The following UBQLN4 variants were observed in gnomAD, a reference collection of about 807,000 sequenced individuals.
UBQLN4 encodes the protein ubiquilin-4.
Under a neutral mutation model 60.4 loss-of-function variants are expected in UBQLN4, and 11 were observed. The ratio of observed to expected loss-of-function variants is 0.18; its 90% CI spans 0.11 to 0.30. The LOEUF (loss-of-function observed/expected upper bound fraction) is 0.30. Ranked by LOEUF, UBQLN4 falls within the 10% of genes least tolerant of loss-of-function variation. UBQLN4 has a pLI of 1.00. For missense variants in UBQLN4, 417 were observed against 795.5 expected, an observed-to-expected ratio of 0.52 and a Z score of 5.72; for synonymous variants, 258 against 313.1, an observed-to-expected ratio of 0.82 and a Z score of 1.86.
chr1:156,041,251 A>G (rs1683554842), intron 10 of UBQLN4, among the ~76,000 whole-genome samples: 1 of 152,200 alleles, frequency 6.6e-6, no homozygotes, highest in East Asian at 1.9e-4. Flanking sequence ...TCCAAAATCT[A>G]AAGCATTTAG....
At chr1:156,053,017 CAG>C (rs1683916963) in intron 1 of UBQLN4, among the ~76,000 whole-genome samples, 1 of 152,174 alleles carries the variant, frequency 6.6e-6, no homozygotes. Context: ...GGAGCGGCCA[CAG>C]GGGGTGGCGA....
At chr1:156,032,997 A>G (rs1683321855), downstream of UBQLN4, among the ~76,000 whole-genome samples, 1 of 152,240 alleles carries the variant, frequency 6.6e-6, no homozygotes. Context: ...CACCTAGGAC[A>G]GGACAGAGGC....
In UBQLN4 at chr1:156,050,998, G is replaced by A; in HGVS notation, c.478+112C>T. The A allele has an allele frequency of 1.9e-6, 2 of 1,062,002 alleles. No individual in the cohort carries two copies. Among genetic ancestry groups the A allele is most frequent in the Non-Finnish European group, 2.8e-6 (2 of 718,646 alleles). 65.8% of individuals were successfully genotyped at this position (1,062,002 alleles called of 1,614,324 possible). A position where few individuals can be genotyped will look rare whatever the true frequency, so the allele number is the denominator to read the frequency against. On this transcript the variant is annotated intron_variant, in intron 3 of 10. Transcript: ENST00000368309. This position sits in a 1 kb window ranked among gnomAD's most constrained non-coding sequence, Gnocchi z 4.6. Reference sequence around the variant, plus strand: ...ATCAATGTCTGGAACTCTGTCATGGGGTCCCCTATCCCCATCAGACCAGGA... The same window carrying A: ...ATCAATGTCTGGAACTCTGTCATGGAGTCCCCTATCCCCATCAGACCAGGA...
intron 10 of UBQLN4, among the ~76,000 whole-genome samples, chr1:156,037,810 T>C (rs767778977): frequency 1.3e-5 from 2 of 152,178 alleles, no homozygotes; most frequent in Non-Finnish European, 2.9e-5. Flanking sequence ...AGGCCCCTCC[T>C]AATAGTCATC....
chr1:156,036,135 T>C lies in UBQLN4; in HGVS notation c.*843A>G. On this transcript the variant is annotated 3_prime_UTR_variant, in exon 11 of 11. Coordinates refer to ENST00000368309, the MANE Select transcript of UBQLN4 (RefSeq NM_020131.5). ...ATTGGGCTCCTTTTTTCAGTTTAAATTCCATTAGCATCTCTAAGTCTCTTC... is the reference window on the plus strand; with the variant it reads ...ATTGGGCTCCTTTTTTCAGTTTAAACTCCATTAGCATCTCTAAGTCTCTTC... 1 of 985,584 alleles carries C rather than the reference T, an allele frequency of 1.0e-6. No homozygotes were observed. The highest frequency in any genetic ancestry group is 1.2e-6 in the Non-Finnish European group (1 of 829,952). 61.1% of individuals were successfully genotyped at this position (985,584 alleles called of 1,614,324 possible). A position where few individuals can be genotyped will look rare whatever the true frequency, so the allele number is the denominator to read the frequency against.
intron 10 of UBQLN4, among the ~76,000 whole-genome samples, chr1:156,038,812 C>CTTT (rs536553162): frequency 1.5e-4 from 20 of 133,110 alleles, no homozygotes; most frequent in Admixed American, 8.6e-4. Context: ...AGGTCTTCTT[C>CTTT]TTTTTTTTTT....
chr1:156,051,342 A>C lies in UBQLN4; in HGVS notation c.261-15T>G, dbSNP rs1336071920. ...GATCTTGAGCCCTGAGGACAGAGAA[A>C]GGAGAATCCTGTTGGAGTGAGCACT... On this transcript the variant is annotated splice_polypyrimidine_tract_variant and intron_variant, in intron 2 of 10. Transcript: ENST00000368309. The C allele has an allele frequency of 6.4e-7, 1 of 1,551,862 alleles. No homozygotes were observed. Among genetic ancestry groups the C allele is most frequent in the East Asian group, 2.4e-5 (1 of 41,076 alleles).
At position 156,050,365 on chromosome 1, in the gene UBQLN4, G is replaced by T. The variant is rs780595634; in HGVS notation, c.667C>A (p.Pro223Thr). 1.2e-6 allele frequency: 2 copies of T among 1,613,282 alleles called. No individual in the cohort carries two copies. Among genetic ancestry groups the T allele is most frequent in the Non-Finnish European group, 1.7e-6 (2 of 1,179,386 alleles). The change falls in exon 4 of 11, where the codon CCC (proline) becomes ACC (threonine). Residue 223 changes from proline to threonine, a missense_variant. Physicochemically the swap from Pro to Thr is conservative, Grantham distance 38 (BLOSUM62 -1). Transcript: ENST00000368309. The surrounding 1 kb of genome is among the most constrained non-coding windows in gnomAD (Gnocchi z 4.6). The part of the protein sequence containing the change: ...DLMRHMIMAN[P>T]QMQQLMERNP... ...CGCTCCATCAACTGCTGCATCTGGGGGTTGGCCATAATCATGTGACGCATC... is the reference window on the plus strand; with the variant it reads ...CGCTCCATCAACTGCTGCATCTGGGTGTTGGCCATAATCATGTGACGCATC...
At position 156,050,669 on chromosome 1, in the gene UBQLN4, C is replaced by T; in HGVS notation, c.479-116G>A. The T allele has an allele frequency of 7.1e-7, 1 of 1,405,742 alleles. No homozygotes were observed. 87.1% of individuals were successfully genotyped at this position (1,405,742 alleles called of 1,614,324 possible). A position where few individuals can be genotyped will look rare whatever the true frequency, so the allele number is the denominator to read the frequency against. On this transcript the variant is annotated intron_variant, in intron 3 of 10. Coordinates refer to ENST00000368309, the MANE Select transcript of UBQLN4 (RefSeq NM_020131.5). This position sits in a 1 kb window ranked among gnomAD's most constrained non-coding sequence, Gnocchi z 4.6. ...CAAATGCTTCTCACATGTCCCTCTT[C>T]CTGTCATTCCCACAGCCCGGCCCTG...
At chr1:156,052,376 G>A (rs1403379590) in intron 1 of UBQLN4, among the ~76,000 whole-genome samples, 3 of 152,192 alleles carry the variant, frequency 2.0e-5, no homozygotes, top group Non-Finnish European at 4.4e-5. Flanking sequence ...GCCCAGGCTG[G>A]AGTGCAGAGG....
intron 7 of UBQLN4, chr1:156,042,468 T>G (rs985228836): frequency 3.7e-5 from 51 of 1,376,806 alleles, no homozygotes; most frequent in Non-Finnish European, 4.5e-5. Context: ...CTGATGATGA[T>G]GAGGACAGCT....
chr1:156,037,439 CA>C (rs1215262419), intron 10 of UBQLN4, among the ~76,000 whole-genome samples: 1 of 151,964 alleles, frequency 6.6e-6, no homozygotes, highest in African/African-American at 2.4e-5. Flanking sequence ...ACTAAAAATA[CA>C]AAAAATTCGC....
At position 156,048,481 on chromosome 1, in the gene UBQLN4, AC is replaced by A. The variant is rs2102752925; in HGVS notation, c.900+19del. The A allele has an allele frequency of 6.2e-7, 1 of 1,601,700 alleles. No individual in the cohort carries two copies. Among genetic ancestry groups the A allele is most frequent in the Non-Finnish European group, 8.5e-7 (1 of 1,170,714 alleles). Reference sequence around the variant, plus strand: ...TCGAGCCCAGACAGCCCAACCCACTACCCTGGCCCTTGATCCCACCTGTTCC... The same window carrying A: ...TCGAGCCCAGACAGCCCAACCCACTACCTGGCCCTTGATCCCACCTGTTCC... On this transcript the variant is annotated intron_variant, in intron 5 of 10. Coordinates refer to ENST00000368309, the MANE Select transcript of UBQLN4 (RefSeq NM_020131.5). This position sits in a 1 kb window ranked among gnomAD's most constrained non-coding sequence, Gnocchi z 4.9.
intron 7 of UBQLN4, 129 bp from the exon 8 acceptor site, chr1:156,042,365 G>A (rs933633992): frequency 1.5e-5 from 22 of 1,438,914 alleles, no homozygotes; most frequent in East Asian, 2.6e-5. Flanking sequence ...GGATCTCAAA[G>A]TATCCTGAAG....
intron 10 of UBQLN4, among the ~76,000 whole-genome samples, chr1:156,039,927 A>C (rs1683506236): frequency 1.0e-5 from 1 of 95,424 alleles, no homozygotes; most frequent in African/African-American, 4.3e-5. Context: ...ACAGAGCGAG[A>C]CTCCGTCTCA....
chr1:156,037,362 G>A (rs1220869763), intron 10 of UBQLN4, among the ~76,000 whole-genome samples: 10 of 152,126 alleles, frequency 6.6e-5, no homozygotes, highest in Non-Finnish European at 1.0e-4. Context: ...TTAGGAGGCT[G>A]AGGCGGGCGG....
chr1:156,033,239 G>A, downstream of UBQLN4: 1 of 985,476 alleles, frequency 1.0e-6, no homozygotes, highest in Non-Finnish European at 1.2e-6. Flanking sequence ...TCACTAATGG[G>A]TGATGGTCCA....
rs1350172405 is a variant in UBQLN4 at position 156,042,822 on chromosome 1, C to A, written c.1218G>T (p.Met406Ile). Reference sequence around the variant, plus strand: ...GGGCAAGCGTCTGCATCATGCTGCGCATGTAGGGTGCTGAGATCACATTCT... The same window carrying A: ...GGGCAAGCGTCTGCATCATGCTGCGAATGTAGGGTGCTGAGATCACATTCT... ...LMQNVISAPY[M>I]RSMMQTLAQN... is the part of the protein sequence containing the mutation. Residue 406 changes from methionine (M) to isoleucine (I), a missense_variant, in exon 7 of 11, where the codon ATG (methionine) becomes ATT (isoleucine). Physicochemically the swap from Met to Ile is conservative, Grantham distance 10. Coordinates refer to ENST00000368309, the MANE Select transcript of UBQLN4 (RefSeq NM_020131.5). 6.2e-7 allele frequency: 1 copy of A among 1,614,210 alleles called. No homozygotes were observed. The highest frequency in any genetic ancestry group is 8.5e-7 in the Non-Finnish European group (1 of 1,180,032).
At chr1:156,042,425 G>A in intron 7 of UBQLN4, 189 bp from the exon 8 acceptor site, 2 of 1,411,276 alleles carry the variant, frequency 1.4e-6, no homozygotes, top group Non-Finnish European at 1.8e-6. Flanking sequence ...GGGTAATGAA[G>A]AGTATGAGGA....
Sources: gnomAD v4.1 joint callset for allele counts (sites outside exome capture counted in the v4.1 genomes callset) on GRCh38, gnomAD v4.1.1 for gene constraint, Gnocchi (gnomAD v3.1) non-coding constraint, MANE v1.5 for transcripts, NCBI Gene and HGNC (gene_info 2026-07-23, HGNC 2026-07-21) for gene names.